TLN2: variants seen among roughly 807,000 people sequenced by gnomAD.
TLN2 encodes the protein talin-2.
In TLN2, 118 loss-of-function variants were observed where a neutral mutation model predicts 294.7. The observed-to-expected ratio is 0.40, with a 90% confidence interval of 0.34 to 0.47. TLN2 has a LOEUF of 0.47. Ranked by LOEUF, TLN2 falls within the 20% of genes least tolerant of loss-of-function variation. The probability of loss-of-function intolerance (pLI) is 0.84; values close to 1 mark genes in which losing one functional copy is unlikely to be tolerated. For synonymous variants in TLN2, 1,431 were observed against 1,304.5 expected (o/e 1.10, Z -2.09); for missense variants, 3,083 against 3,282.2 (o/e 0.94, Z 1.48).
At chr15:62,465,970 G>A (rs887213585) in intron 1 of TLN2, among the ~76,000 whole-genome samples, 1 of 152,174 alleles carries the variant, frequency 6.6e-6, no homozygotes, top group African/African-American at 2.4e-5. Context: ...GGAGTAGGAG[G>A]TCGCGAGGGA....
Position 62,836,090 on chromosome 15 carries a change from C to T in TLN2, c.7374+17C>T. On this transcript the variant is annotated intron_variant, in intron 57 of 58. Transcript: ENST00000636159. ...CGGCTACAGGTAATGGTCACTGATG[C>T]TGGTGGGAAAATACTCCTGTTGGAG... is the stretch of plus-strand genomic sequence containing the variant. The T allele has an allele frequency of 6.3e-7, 1 of 1,597,996 alleles. No individual in the cohort carries two copies. Among genetic ancestry groups the T allele is most frequent in the Non-Finnish European group, 8.5e-7 (1 of 1,172,842 alleles).
At chr15:62,648,853 A>G (rs1271116071) in intron 4 of TLN2, among the ~76,000 whole-genome samples, 1 of 151,512 alleles carries the variant, frequency 6.6e-6, no homozygotes, top group Non-Finnish European at 1.5e-5. Flanking sequence ...CTGGACGATT[A>G]TTATTTTTTG....
chr15:62,516,383 A>G (rs1013223347), intron 1 of TLN2, among the ~76,000 whole-genome samples: 1 of 152,200 alleles, frequency 6.6e-6, no homozygotes, highest in African/African-American at 2.4e-5. Context: ...TATATGGGTC[A>G]TAGGTTTATT....
chr15:62,463,674 A>G (rs1223923620), intron 1 of TLN2, among the ~76,000 whole-genome samples: 1 of 152,186 alleles, frequency 6.6e-6, no homozygotes, highest in Non-Finnish European at 1.5e-5. Flanking sequence ...TCACGAGGTC[A>G]GGAGATCGAG....
chr15:62,800,492 AG>A lies in TLN2; in HGVS notation c.6360+1del. On this transcript the variant is annotated frameshift_variant and splice_region_variant, in exon 49 of 59. Transcript: ENST00000636159. LOFTEE classifies it high-confidence loss of function. ...PSMYQLKGAA[K>X]VMVTNVTSLL... is the part of the protein sequence containing the mutation. ...ATGTACCAGCTCAAGGGGGCTGCCA[AG>A]GTAGAGTGGGGCTCCGACTGGGGAT... 1 of 1,614,072 alleles carries A rather than the reference AG, an allele frequency of 6.2e-7. No homozygotes were observed. Among genetic ancestry groups the A allele is most frequent in the Non-Finnish European group, 8.5e-7 (1 of 1,179,972 alleles).
chr15:62,576,563 C>A (rs1447347397), intron 1 of TLN2, among the ~76,000 whole-genome samples: 1 of 150,024 alleles, frequency 6.7e-6, no homozygotes, highest in Admixed American at 6.6e-5. Context: ...TACAGAGACC[C>A]ACAGAGAGAC....
chr15:62,780,764 T>C (rs1043888332), intron 43 of TLN2, among the ~76,000 whole-genome samples: 1 of 152,222 alleles, frequency 6.6e-6, no homozygotes, highest in Non-Finnish European at 1.5e-5. Context: ...TCTGGCACTT[T>C]GCGCTTCCCT....
At chr15:62,598,341 C>T (rs1215234136) in intron 2 of TLN2, among the ~76,000 whole-genome samples, 2 of 152,294 alleles carry the variant, frequency 1.3e-5, no homozygotes, top group East Asian at 1.9e-4. Context: ...TGGACACGTT[C>T]TTCCACAGAT....
chr15:62,446,092 C>T lies in TLN2; in HGVS notation c.-238+55407C>T, dbSNP rs372550960. 4.0e-4 allele frequency among the ~76,000 whole-genome samples: 61 copies of T among 152,042 alleles called. No individual in the cohort carries two copies. In the East Asian group the frequency reaches 0.011, roughly 27 times the overall value. The stretch of plus-strand genomic sequence containing the variant: ...CTCGATCTCCACTCACTGCAAGCTC[C>T]GCCTCCCGGGTTCACGTCATTCTCC... On this transcript the variant is annotated intron_variant, in intron 1 of 58. Transcript: ENST00000636159.
chr15:62,766,037 T>C (rs906685066), intron 40 of TLN2, among the ~76,000 whole-genome samples: 1 of 152,188 alleles, frequency 6.6e-6, no homozygotes, highest in Non-Finnish European at 1.5e-5. Context: ...ACTAATTCCA[T>C]CAAGGAACCT....
At chr15:62,477,909 G>C (rs1430911708) in intron 1 of TLN2, among the ~76,000 whole-genome samples, 1 of 132,390 alleles carries the variant, frequency 7.6e-6, no homozygotes, top group Non-Finnish European at 1.6e-5. Context: ...TGGAGGGGGG[G>C]GTGCAGCGGG....
At chr15:62,640,077 G>A (rs2050838705) in intron 3 of TLN2, 3 of 443,782 alleles carry the variant, frequency 6.8e-6, no homozygotes, top group East Asian at 7.0e-5. Context: ...CTGTCCTGCC[G>A]AGCGAGGTGG....
intron 22 of TLN2, among the ~76,000 whole-genome samples, chr15:62,715,392 C>A (rs1482530570): frequency 6.6e-6 from 1 of 152,180 alleles, no homozygotes; most frequent in Non-Finnish European, 1.5e-5. Flanking sequence ...AGACATCAAG[C>A]ACATGTTACA....
At chr15:62,599,781 T>C (rs565785831) in intron 2 of TLN2, among the ~76,000 whole-genome samples, 40 of 152,310 alleles carry the variant, frequency 2.6e-4, no homozygotes, top group Non-Finnish European at 4.4e-5. Context: ...TTGGAGAGGT[T>C]GTTGCCGGCA....
intron 58 of TLN2, among the ~76,000 whole-genome samples, chr15:62,839,862 T>G (rs1323800457): frequency 6.6e-6 from 1 of 152,196 alleles, no homozygotes; most frequent in East Asian, 1.9e-4. Context: ...AACCCTGCCC[T>G]GGTAATAATG....
chr15:62,702,651 C>A, intron 18 of TLN2, 115 bp from the exon 19 acceptor site: 2 of 977,642 alleles, frequency 2.0e-6, no homozygotes, highest in Non-Finnish European at 3.2e-6. Context: ...CTGAGATTCT[C>A]ACTGTCAGAC....
intron 1 of TLN2, among the ~76,000 whole-genome samples, chr15:62,460,177 G>C (rs1169199216): frequency 6.6e-6 from 1 of 152,014 alleles, no homozygotes; most frequent in African/African-American, 2.4e-5. Flanking sequence ...GAAGATTGCA[G>C]CAGCCAGCCA....
chr15:62,811,449 A>G (rs1427004777), intron 52 of TLN2, among the ~76,000 whole-genome samples: 1 of 152,256 alleles, frequency 6.6e-6, no homozygotes. Context: ...AACACCAGCA[A>G]GGCTTTCCAA....
rs1388779269 is a variant in TLN2 at position 62,638,660 on chromosome 15, C to A, written c.-36-8615C>A. ...GTATCAAAGGTCTTTTCTCATCATT[C>A]TTGTATTCCATGTTGTGGGCACTCT... On this transcript the variant is annotated intron_variant, in intron 3 of 58. Coordinates refer to ENST00000636159, the MANE Select transcript of TLN2 (RefSeq NM_015059.3). 8.8e-6 allele frequency: 4 copies of A among 455,460 alleles called. No homozygotes were observed. In the East Asian group the frequency reaches 2.8e-4, roughly 32 times the overall value. 28.2% of individuals were successfully genotyped at this position (455,460 alleles called of 1,614,324 possible).
Sources: allele counts gnomAD v4.1 joint callset (sites outside exome capture counted in the v4.1 genomes callset), GRCh38; gene constraint gnomAD v4.1.1; transcripts MANE v1.5; gene names NCBI Gene and HGNC (gene_info 2026-07-23, HGNC 2026-07-21).